ACTL6B: variants seen among roughly 807,000 people sequenced by gnomAD.
The protein encoded by ACTL6B is actin like 6B, also known as actin-like protein 6B.
ACTL6B carries 48 observed loss-of-function variants against 63.3 expected under a neutral mutation model. The ratio of observed to expected loss-of-function variants is 0.76; its 90% CI spans 0.60 to 0.96. The LOEUF (loss-of-function observed/expected upper bound fraction) is 0.96. Ranked by LOEUF, ACTL6B falls within the 50% of genes least tolerant of loss-of-function variation. The pLI is 0.00. For missense variants in ACTL6B, 350 were observed against 572.2 expected, an observed-to-expected ratio of 0.61 and a Z score of 3.96; for synonymous variants, 230 against 223.8, an observed-to-expected ratio of 1.03 and a Z score of -0.25.
rs1045146510 is a variant in ACTL6B at position 100,655,214 on chromosome 7, G to A, written c.269-95C>T. 1.8e-5 allele frequency: 22 copies of A among 1,247,502 alleles called. 2 individuals carry two copies. The South Asian group carries it at 2.7e-4, about 16-fold the overall frequency. 77.3% of individuals were successfully genotyped at this position (1,247,502 alleles called of 1,614,324 possible). ...GGGAGAAAGGCCAAGCCCAAAGGAG[G>A]GTCAGTGAGTCCAGCTCCAGGGGAA... On this transcript the variant is annotated intron_variant, in intron 3 of 13. Transcript: ENST00000160382. This position sits in a 1 kb window ranked among gnomAD's most constrained non-coding sequence, Gnocchi z 4.4.
rs1229653181 is a variant in ACTL6B, at chr7:100,655,029, G to A, written c.359C>T (p.Ser120Phe). ...SEPNLHPVLM[S>F]EAPWNTRAKR... ...GGAGGAGGCACTCACCGGAGCCTCG[G>A]ACATGAGCACTGGGTGCAGGTTTGG... The change falls in exon 4 of 14, where the codon TCC becomes TTC. Residue 120 changes from serine (S) to phenylalanine (F), a missense_variant. Physicochemically the swap from Ser to Phe is radical, Grantham distance 155. Transcript: ENST00000160382. The surrounding 1 kb of genome is among the most constrained non-coding windows in gnomAD (Gnocchi z 4.4). 6.2e-7 allele frequency: 1 copy of A among 1,613,880 alleles called. No individual in the cohort carries two copies. Among genetic ancestry groups the A allele is most frequent in the Non-Finnish European group, 8.5e-7 (1 of 1,179,900 alleles).
chr7:100,648,543 C>T lies in ACTL6B; in HGVS notation c.669+13G>A. 1 of 1,581,660 alleles carries T rather than the reference C, an allele frequency of 6.3e-7. No individual in the cohort carries two copies. ...GGACTCTAGTGGCAGCTCCATGTCC[C>T]CAGAGGCCCCACCTTGGCTGCGATC... On this transcript the variant is annotated intron_variant, in intron 7 of 13. Transcript: ENST00000160382. This position sits in a 1 kb window ranked among gnomAD's most constrained non-coding sequence, Gnocchi z 4.4.
chr7:100,653,117 C>T (rs1249092289), intron 4 of ACTL6B, among the ~76,000 whole-genome samples: 1 of 148,458 alleles, frequency 6.7e-6, no homozygotes, highest in African/African-American at 2.5e-5. Flanking sequence ...TGGTGTATTG[C>T]CTGTCTCAGG....
chr7:100,648,458 C>A lies in ACTL6B; in HGVS notation c.669+98G>T. The A allele has an allele frequency of 9.2e-7, 1 of 1,085,776 alleles. No individual in the cohort carries two copies. Among genetic ancestry groups the A allele is most frequent in the Non-Finnish European group, 1.3e-6 (1 of 775,600 alleles). 67.3% of individuals were successfully genotyped at this position (1,085,776 alleles called of 1,614,324 possible). ...GAGCCAGGACCCACTGGGGAGCCTGCTGCTCTCTGCTCTGATATCTCATGT... is the reference window on the plus strand; with the variant it reads ...GAGCCAGGACCCACTGGGGAGCCTGATGCTCTCTGCTCTGATATCTCATGT... On this transcript the variant is annotated intron_variant, in intron 7 of 13. Coordinates refer to ENST00000160382, the MANE Select transcript of ACTL6B (RefSeq NM_016188.5). This position sits in a 1 kb window ranked among gnomAD's most constrained non-coding sequence, Gnocchi z 4.4.
chr7:100,652,999 C>CAAAAAAAAAAAAAAAAAAAAAAAAA (rs58707737), intron 4 of ACTL6B, among the ~76,000 whole-genome samples: 2 of 25,950 alleles, frequency 7.7e-5, no homozygotes, highest in African/African-American at 1.7e-4. Flanking sequence ...AACTCCGTCT[C>CAAAAAAAAAAAAAAAAAAAAAAAAA]AAAAAAAAAA....
intron 4 of ACTL6B, among the ~76,000 whole-genome samples, chr7:100,654,699 T>C (rs1804005129): frequency 6.6e-6 from 1 of 151,408 alleles, no homozygotes; most frequent in African/African-American, 2.4e-5. Context: ...GGAGATTCCT[T>C]TGATGTCGGG....
At chr7:100,652,506 A>AGAATCACTT (rs1803960027) in intron 4 of ACTL6B, among the ~76,000 whole-genome samples, 2 of 148,604 alleles carry the variant, frequency 1.3e-5, no homozygotes, top group African/African-American at 2.5e-5. Context: ...CTGAGGCAGG[A>AGAATCACTT]GAACCCAGGA....
Position 100,646,918 on chromosome 7 carries a change from G to A in ACTL6B, c.936+53C>T, listed in dbSNP as rs550803458. 1 of 1,569,112 alleles carries A rather than the reference G, an allele frequency of 6.4e-7. No homozygotes were observed. Among genetic ancestry groups the A allele is most frequent in the African/African-American group, 1.4e-5 (1 of 72,758 alleles). On this transcript the variant is annotated intron_variant, in intron 10 of 13. Transcript: ENST00000160382. This position sits in a 1 kb window ranked among gnomAD's most constrained non-coding sequence, Gnocchi z 6.1. ...CCTTCCCAGCCTCCCCCACGCCCCAGGATCCAGGGACTGCAGCCAGCACCC... is the reference window on the plus strand; with the variant it reads ...CCTTCCCAGCCTCCCCCACGCCCCAAGATCCAGGGACTGCAGCCAGCACCC...
At chr7:100,654,936 G>A in intron 4 of ACTL6B, 83 bp downstream of exon 4, 1 of 1,186,330 alleles carries the variant, frequency 8.4e-7, no homozygotes, top group East Asian at 2.5e-5. Flanking sequence ...GCAGTGGCTT[G>A]AGGGGAGAGG....
Position 100,646,537 on chromosome 7 carries a change from G to A in ACTL6B, c.1113+14C>T. The A allele has an allele frequency of 6.2e-7, 1 of 1,613,668 alleles. No individual in the cohort carries two copies. The highest frequency in any genetic ancestry group is 1.3e-5 in the African/African-American group (1 of 75,022). On this transcript the variant is annotated intron_variant, in intron 12 of 13. Coordinates refer to ENST00000160382, the MANE Select transcript of ACTL6B (RefSeq NM_016188.5). This position sits in a 1 kb window ranked among gnomAD's most constrained non-coding sequence, Gnocchi z 6.1. ...ACGGGTGTCCAGGGCTCTGGGTCAGGGGTGGGCTCCTACCGGTGGGGTCTT... is the reference window on the plus strand; with the variant it reads ...ACGGGTGTCCAGGGCTCTGGGTCAGAGGTGGGCTCCTACCGGTGGGGTCTT...
At position 100,647,960 on chromosome 7, in the gene ACTL6B, CTTTT is replaced by C. The variant is rs1209628819; in HGVS notation, c.670-431_670-428del. 4.4e-3 allele frequency among the ~76,000 whole-genome samples: 586 copies of C among 134,124 alleles called. 5 individuals carry two copies. Among genetic ancestry groups the C allele is most frequent in the African/African-American group, 0.016 (571 of 36,422 alleles). 88.0% of individuals were successfully genotyped at this position (134,124 alleles called of 152,430 possible). A position where few individuals can be genotyped will look rare whatever the true frequency, so the allele number is the denominator to read the frequency against. On this transcript the variant is annotated intron_variant, in intron 7 of 13. Transcript: ENST00000160382. The surrounding 1 kb of genome is among the most constrained non-coding windows in gnomAD (Gnocchi z 4.4). ...ATATCATGCTGTTGGTCACACAGCTCTTTTTTTTTTTTTTTTTCAGATGGAGTCT... is the reference window on the plus strand; with the variant it reads ...ATATCATGCTGTTGGTCACACAGCTCTTTTTTTTTTTTTCAGATGGAGTCT...
At position 100,648,928 on chromosome 7, in the gene ACTL6B, C is replaced by T; in HGVS notation, c.468-105G>A. 2 of 1,115,842 alleles carry T rather than the reference C, an allele frequency of 1.8e-6. No individual in the cohort carries two copies. Among genetic ancestry groups the T allele is most frequent in the African/African-American group, 1.6e-5 (1 of 63,502 alleles). The allele number at this position is 1,115,842 out of a possible 1,614,324, so 69.1% of individuals were successfully genotyped here. ...GCTCTACCGGGGTCCAGCCCATCCC[C>T]AGTCTGCAAATCTCTCCCCCTGGTG... On this transcript the variant is annotated intron_variant, in intron 5 of 13. Transcript: ENST00000160382. The surrounding 1 kb of genome is among the most constrained non-coding windows in gnomAD (Gnocchi z 4.4).
rs1185820622 is a variant in ACTL6B at position 100,647,998 on chromosome 7, C to T, written c.670-465G>A. Among the ~76,000 whole-genome samples, 3 of 148,170 alleles carry T rather than the reference C, an allele frequency of 2.0e-5. No individual in the cohort carries two copies. Among genetic ancestry groups the T allele is most frequent in the Non-Finnish European group, 4.4e-5 (3 of 67,550 alleles). On this transcript the variant is annotated intron_variant, in intron 7 of 13. Transcript: ENST00000160382. The surrounding 1 kb of genome is among the most constrained non-coding windows in gnomAD (Gnocchi z 4.4). ...TTTTTCAGATGGAGTCTCACTCGGT[C>T]GCCCAGGCTGGAGTGCAGTGGCGCG...
chr7:100,652,587 C>CA (rs71126329), intron 4 of ACTL6B, among the ~76,000 whole-genome samples: 2,933 of 65,648 alleles, frequency 0.045, 42 homozygotes, highest in Middle Eastern at 0.073. Context: ...GACTATGTCT[C>CA]AAAAAAAAAA....
chr7:100,652,226 G>T (rs575999832), intron 4 of ACTL6B, among the ~76,000 whole-genome samples: 1 of 151,816 alleles, frequency 6.6e-6, no homozygotes, highest in Admixed American at 6.6e-5. Context: ...GTGAAACCCC[G>T]CCTCTACTAA....
chr7:100,655,437 G>A lies in ACTL6B; in HGVS notation c.252C>T (p.Pro84=), dbSNP rs1479293567. ...GCCCCTTACTCATGCCATTCTTGAG[G>A]GGCGACATGACCTCCGCTCCATCCC... The part of the protein sequence containing the change: ...VPRDGAEVMS[P]LKNGMIEDWE... The change falls in exon 3 of 14, where the codon CCC becomes CCT. Residue 84 remains proline (P), a synonymous_variant. Coordinates refer to ENST00000160382, the MANE Select transcript of ACTL6B (RefSeq NM_016188.5). The surrounding 1 kb of genome is among the most constrained non-coding windows in gnomAD (Gnocchi z 4.4). 5.0e-6 allele frequency: 8 copies of A among 1,613,896 alleles called. No homozygotes were observed. The Admixed American group carries it at 1.3e-4, about 27-fold the overall frequency.
At position 100,647,718 on chromosome 7, in the gene ACTL6B, G is replaced by A; in HGVS notation, c.670-185C>T. On this transcript the variant is annotated intron_variant, in intron 7 of 13. Coordinates refer to ENST00000160382, the MANE Select transcript of ACTL6B (RefSeq NM_016188.5). The surrounding 1 kb of genome is among the most constrained non-coding windows in gnomAD (Gnocchi z 4.4). ...GAATGGGGCATGCCTCTCTCTCCAT[G>A]TGTGCCTTTCATGCGGTGGGTGCAG... 1 of 562,302 alleles carries A rather than the reference G, an allele frequency of 1.8e-6. No individual in the cohort carries two copies. Among genetic ancestry groups the A allele is most frequent in the Non-Finnish European group, 3.1e-6 (1 of 317,808 alleles). 34.8% of individuals were successfully genotyped at this position (562,302 alleles called of 1,614,324 possible).
chr7:100,655,465 G>A lies in ACTL6B; in HGVS notation c.224C>T (p.Pro75Leu). Residue 75 changes from proline to leucine, a missense_variant, in exon 3 of 14, where the codon CCT becomes CTT. By Grantham distance (98) the Pro-to-Leu change is moderately conservative (BLOSUM62 -3). This residue lies in a region of ACTL6B where 250 missense variants were observed against 364.7 expected (regional missense o/e 0.69). Transcript: ENST00000160382. The surrounding 1 kb of genome is among the most constrained non-coding windows in gnomAD (Gnocchi z 4.4). ...CGACATGACCTCCGCTCCATCCCGA[G>A]GCACGTGCAGGGCATTGGTGTCGAT... ...FHIDTNALHV[P>L]RDGAEVMSPL... 1 of 1,614,168 alleles carries A rather than the reference G, an allele frequency of 6.2e-7. No homozygotes were observed. The highest frequency in any genetic ancestry group is 8.5e-7 in the Non-Finnish European group (1 of 1,180,026).
At chr7:100,643,901 T>C (rs1449905008) in intron 13 of ACTL6B, among the ~76,000 whole-genome samples, 1 of 152,076 alleles carries the variant, frequency 6.6e-6, no homozygotes, top group Non-Finnish European at 1.5e-5. Context: ...TTATTTTTAT[T>C]TTTATTTTAT....
Sources: gnomAD v4.1 joint callset for allele counts (sites outside exome capture counted in the v4.1 genomes callset) on GRCh38, gnomAD v4.1.1 for gene constraint, gnomAD v4.1.1 regional missense constraint, Gnocchi (gnomAD v3.1) non-coding constraint, MANE v1.5 for transcripts, NCBI Gene and HGNC (gene_info 2026-07-23, HGNC 2026-07-21) for gene names.